Variants in KAZN observed in about 807,000 individuals in gnomAD.
KAZN encodes the protein kazrin, periplakin interacting protein.
KAZN carries 40 observed loss-of-function variants against 87.4 expected under a neutral mutation model. The observed-to-expected ratio is 0.46, with a 90% confidence interval of 0.36 to 0.60. The LOEUF is 0.60. KAZN is among the 20% of genes least tolerant of loss of function. The pLI is 0.00. For synonymous variants in KAZN, 466 were observed against 458.3 expected, an observed-to-expected ratio of 1.02 and a Z score of -0.22; for missense variants, 898 against 1,073.9, an observed-to-expected ratio of 0.84 and a Z score of 2.29.
chr1:14,398,188 T>C (rs1663062838), intron 2 of KAZN, among the ~76,000 whole-genome samples: 1 of 152,240 alleles, frequency 6.6e-6, no homozygotes, highest in South Asian at 2.1e-4. Context: ...TTTGAGTTAG[T>C]TGGTTATGCA....
chr1:14,255,385 A>C lies in KAZN; in HGVS notation c.249+74793A>C, dbSNP rs143965257. ...AGATTTGGCAGGGACATATATTCAA[A>C]CTAATCAAATGTGTTTCATGATCTT... On this transcript the variant is annotated intron_variant, in intron 2 of 16. Transcript: ENST00000636203. 4.9e-3 allele frequency among the ~76,000 whole-genome samples: 750 copies of C among 152,208 alleles called. 6 individuals are homozygous for C. Among genetic ancestry groups the C allele is most frequent in the African/African-American group, 0.017 (718 of 41,534 alleles).
At chr1:14,396,011 T>A (rs1319178118) in intron 2 of KAZN, among the ~76,000 whole-genome samples, 2 of 151,274 alleles carry the variant, frequency 1.3e-5, no homozygotes, top group African/African-American at 4.9e-5. Flanking sequence ...CTACAAAAAA[T>A]ACAAAAATTA....
intron 2 of KAZN, among the ~76,000 whole-genome samples, chr1:14,514,611 A>ATTTTTT (rs1557770522): frequency 3.3e-4 from 13 of 39,038 alleles, no homozygotes; most frequent in African/African-American, 1.6e-3. Flanking sequence ...ATATATATAT[A>ATTTTTT]TATATATATA....
chr1:14,937,255 C>A (rs1660564913), intron 1 of KAZN, among the ~76,000 whole-genome samples: 1 of 152,194 alleles, frequency 6.6e-6, no homozygotes, highest in Non-Finnish European at 1.5e-5. Context: ...CAGAGGAGAG[C>A]CTTCATCATA....
At chr1:14,727,458 T>TC (rs1276106825) in intron 1 of KAZN, among the ~76,000 whole-genome samples, 3 of 16,448 alleles carry the variant, frequency 1.8e-4, no homozygotes, top group Non-Finnish European at 3.8e-4. Context: ...TTCTTTTTTT[T>TC]TTTTTTTTTT....
chr1:14,354,321 T>C (rs1658807528), intron 2 of KAZN, among the ~76,000 whole-genome samples: 1 of 152,014 alleles, frequency 6.6e-6, no homozygotes, highest in African/African-American at 2.4e-5. Flanking sequence ...AATGGACAAA[T>C]TGAACTTAAA....
chr1:14,001,876 A>G (rs1639807491), intron 1 of KAZN, among the ~76,000 whole-genome samples: 1 of 152,208 alleles, frequency 6.6e-6, no homozygotes, highest in African/African-American at 2.4e-5. Flanking sequence ...ACTTAAATGT[A>G]AAACCCCAAA....
chr1:14,487,801 G>C (rs1242973480), intron 2 of KAZN, among the ~76,000 whole-genome samples: 3 of 152,214 alleles, frequency 2.0e-5, no homozygotes, highest in Non-Finnish European at 2.9e-5. Flanking sequence ...AACATTTGAG[G>C]ATGGATCAGA....
In KAZN at chr1:15,110,601, G is replaced by A. The variant is rs1404576294; in HGVS notation, c.2049-1826G>A. Among the ~76,000 whole-genome samples the A allele has an allele frequency of 5.3e-5, 8 of 150,740 alleles. No homozygotes were observed. The East Asian group carries it at 7.8e-4, about 15-fold the overall frequency. ...CATTTAGTCCTCACAATGACCTGCC[G>A]AGGAAGTTCTGTTATTAACCCCACT... On this transcript the variant is annotated intron_variant, in intron 13 of 14. Coordinates refer to ENST00000376030, the MANE Select transcript of KAZN (RefSeq NM_201628.3).
chr1:14,207,117 T>A (rs961183221), intron 2 of KAZN, among the ~76,000 whole-genome samples: 5 of 151,948 alleles, frequency 3.3e-5, no homozygotes, highest in African/African-American at 1.2e-4. Flanking sequence ...GCACGTGGCA[T>A]CATACCCAGC....
intron 2 of KAZN, among the ~76,000 whole-genome samples, chr1:14,537,783 C>T (rs1289324451): frequency 6.6e-6 from 1 of 152,196 alleles, no homozygotes; most frequent in Non-Finnish European, 1.5e-5. Context: ...TCACCCTTGT[C>T]TCATGATAGC....
At chr1:14,128,842 G>A (rs1557498028) in intron 1 of KAZN, among the ~76,000 whole-genome samples, 1 of 152,106 alleles carries the variant, frequency 6.6e-6, no homozygotes, top group South Asian at 2.1e-4. Flanking sequence ...ATAGCGTCAG[G>A]AAATCTCCAT....
At chr1:14,121,403 G>A (rs1399662288) in intron 1 of KAZN, among the ~76,000 whole-genome samples, 4 of 152,102 alleles carry the variant, frequency 2.6e-5, no homozygotes, top group African/African-American at 4.8e-5. Flanking sequence ...GTGGGGCGGC[G>A]GGGGTGTGTT....
chr1:14,374,670 G>C (rs1660760353), intron 2 of KAZN, among the ~76,000 whole-genome samples: 1 of 152,164 alleles, frequency 6.6e-6, no homozygotes, highest in Admixed American at 6.5e-5. Flanking sequence ...CAGGAGTGTG[G>C]CCTTTCTGAT....
chr1:14,796,350 T>C (rs571071384), intron 1 of KAZN, among the ~76,000 whole-genome samples: 14 of 152,306 alleles, frequency 9.2e-5, no homozygotes, highest in African/African-American at 3.4e-4. Context: ...CATGTCTTAG[T>C]GAAGCCACGT....
chr1:14,224,026 C>T (rs561487015), intron 2 of KAZN, among the ~76,000 whole-genome samples: 1 of 152,260 alleles, frequency 6.6e-6, no homozygotes, highest in African/African-American at 2.4e-5. Context: ...AAAATAAGAC[C>T]TACAGTCTTT....
intron 1 of KAZN, among the ~76,000 whole-genome samples, chr1:14,129,935 CT>C (rs1332967804): frequency 1.3e-5 from 2 of 152,156 alleles, no homozygotes; most frequent in Non-Finnish European, 2.9e-5. Flanking sequence ...AAAAGCAGCC[CT>C]TGTCACATTT....
At chr1:14,012,181 A>T (rs763778285) in intron 1 of KAZN, among the ~76,000 whole-genome samples, 21 of 151,036 alleles carry the variant, frequency 1.4e-4, no homozygotes, top group Non-Finnish European at 3.0e-4. Flanking sequence ...TAAATCAAAG[A>T]TACATCATGT....
intron 1 of KAZN, among the ~76,000 whole-genome samples, chr1:14,064,174 A>G (rs1305418480): frequency 1.3e-5 from 2 of 152,188 alleles, no homozygotes; most frequent in Admixed American, 6.5e-5. Flanking sequence ...AAGTATATGC[A>G]GTAGCTCACA....
Sources: gnomAD v4.1 joint callset for allele counts (sites outside exome capture counted in the v4.1 genomes callset) on GRCh38, gnomAD v4.1.1 for gene constraint, MANE v1.5 for transcripts, NCBI Gene and HGNC (gene_info 2026-07-23, HGNC 2026-07-21) for gene names.